The following DOCK2 variants were observed in gnomAD, a reference collection of about 807,000 sequenced individuals.
DOCK2 encodes the protein dedicator of cytokinesis protein 2.
A neutral mutation model predicts 248.9 loss-of-function variants in DOCK2; 87 were observed. The observed-to-expected ratio is 0.35, with a 90% CI of 0.29 to 0.42. The LOEUF (loss-of-function observed/expected upper bound fraction) is 0.42. Ranked by LOEUF, DOCK2 falls within the 10% of genes least tolerant of loss-of-function variation. The probability of loss-of-function intolerance (pLI) is 1.00; values close to 1 mark genes in which losing one functional copy is unlikely to be tolerated. For missense variants in DOCK2, 1,747 were observed against 2,300.2 expected (o/e 0.76, Z 4.92); for synonymous variants, 805 against 821.6 (o/e 0.98, Z 0.35).
chr5:169,669,668 A>G (rs903814270), intron 3 of DOCK2, among the ~76,000 whole-genome samples: 3 of 146,338 alleles, frequency 2.1e-5, no homozygotes, highest in South Asian at 2.1e-4. Context: ...TGTTTGCAGC[A>G]TTCAGTCATC....
intron 19 of DOCK2, among the ~76,000 whole-genome samples, chr5:169,714,861 T>C (rs1423441459): frequency 6.6e-6 from 1 of 152,106 alleles, no homozygotes; most frequent in Non-Finnish European, 1.5e-5. Context: ...CCAAAGCATA[T>C]AAAACAAAGT....
chr5:169,694,531 G>A (rs1359695303), intron 9 of DOCK2, among the ~76,000 whole-genome samples: 1 of 152,238 alleles, frequency 6.6e-6, no homozygotes, highest in African/African-American at 2.4e-5. Flanking sequence ...TGACCTTGGG[G>A]AAGCCTCTTA....
At chr5:169,804,437 AGTGTGTGTGTGTGTGTGTGTGT>A (rs55660700) in intron 26 of DOCK2, among the ~76,000 whole-genome samples, 58 of 134,650 alleles carry the variant, frequency 4.3e-4, no homozygotes, top group South Asian at 1.0e-3. Flanking sequence ...AGAGCTACAA[AGTGTGTGTGTGTGTGTGTGTGT>A]GTGTGTGTGT....
At chr5:169,884,035 G>A in intron 27 of DOCK2, 1 of 750,164 alleles carries the variant, frequency 1.3e-6, no homozygotes, top group African/African-American at 1.7e-5. Flanking sequence ...TCTCCTCTTA[G>A]TATGGGAAAT....
At chr5:169,690,382 C>T (rs964645198) in intron 9 of DOCK2, among the ~76,000 whole-genome samples, 2 of 152,010 alleles carry the variant, frequency 1.3e-5, no homozygotes, top group Non-Finnish European at 2.9e-5. Flanking sequence ...CAGGAGTGAC[C>T]GACATGCTAG....
intron 6 of DOCK2, among the ~76,000 whole-genome samples, chr5:169,681,531 A>G (rs1294288573): frequency 6.6e-6 from 1 of 151,798 alleles, no homozygotes; most frequent in Non-Finnish European, 1.5e-5. Flanking sequence ...ACACCTTTTT[A>G]AAAAATTGAA....
chr5:169,746,328 A>C (rs1010531821), intron 22 of DOCK2, among the ~76,000 whole-genome samples: 2 of 152,084 alleles, frequency 1.3e-5, no homozygotes, highest in Non-Finnish European at 2.9e-5. Context: ...GGGTGAGGGG[A>C]AGGATGGGGA....
intron 30 of DOCK2, among the ~76,000 whole-genome samples, chr5:170,001,519 G>A (rs1013077740): frequency 1.7e-4 from 26 of 152,146 alleles, no homozygotes; most frequent in African/African-American, 6.0e-4. Context: ...CCGTTTTGTA[G>A]CTCTGTGATG....
At chr5:169,799,904 C>T (rs1766865043) in intron 25 of DOCK2, among the ~76,000 whole-genome samples, 1 of 151,976 alleles carries the variant, frequency 6.6e-6, no homozygotes, top group Admixed American at 6.6e-5. Context: ...ACTTCCTGGG[C>T]TCTGATCTTC....
intron 27 of DOCK2, among the ~76,000 whole-genome samples, chr5:169,870,243 G>T (rs969317148): frequency 2.6e-5 from 4 of 152,122 alleles, no homozygotes; most frequent in African/African-American, 9.7e-5. Flanking sequence ...TTCCCTCTTG[G>T]GGGTACCTCA....
At chr5:169,658,986 T>C (rs1439051102) in intron 2 of DOCK2, among the ~76,000 whole-genome samples, 56 of 19,078 alleles carry the variant, frequency 2.9e-3, no homozygotes, top group Middle Eastern at 0.024. Context: ...ACTGCATTAT[T>C]ATTATTATTA....
chr5:169,652,228 G>A (rs1757846943), intron 1 of DOCK2, among the ~76,000 whole-genome samples: 1 of 152,234 alleles, frequency 6.6e-6, no homozygotes, highest in South Asian at 2.1e-4. Flanking sequence ...TGCCAGGGCA[G>A]GGTGCAAGCC....
chr5:169,928,457 G>C (rs1179885973), intron 27 of DOCK2, among the ~76,000 whole-genome samples: 2 of 152,178 alleles, frequency 1.3e-5, no homozygotes, highest in Non-Finnish European at 2.9e-5. Context: ...AGTTCTACCA[G>C]AGCCAGCCTC....
chr5:169,703,645 T>A (rs896375877), intron 14 of DOCK2, among the ~76,000 whole-genome samples: 65 of 152,376 alleles, frequency 4.3e-4, no homozygotes, highest in African/African-American at 1.5e-3. Context: ...ATTGCCTTTT[T>A]GTTCATAAAG....
At chr5:169,833,424 G>C (rs1339216470) in intron 26 of DOCK2, among the ~76,000 whole-genome samples, 2 of 152,294 alleles carry the variant, frequency 1.3e-5, no homozygotes, top group East Asian at 3.9e-4. Flanking sequence ...TGACATAGCA[G>C]ACCTGAGAAA....
At chr5:169,863,027 CT>C in intron 27 of DOCK2, among the ~76,000 whole-genome samples, 1 of 152,198 alleles carries the variant, frequency 6.6e-6, no homozygotes, top group East Asian at 1.9e-4. Flanking sequence ...CCTTTCCATC[CT>C]ACCCCTCATC....
At chr5:170,075,569 C>G (rs1247075647) in intron 46 of DOCK2, 2 of 171,778 alleles carry the variant, frequency 1.2e-5, no homozygotes, top group Non-Finnish European at 2.5e-5. Flanking sequence ...TTAGTATTGC[C>G]AAGAACATCT....
intron 27 of DOCK2, among the ~76,000 whole-genome samples, chr5:169,891,287 T>G (rs1442530894): frequency 6.6e-6 from 1 of 152,218 alleles, no homozygotes; most frequent in Non-Finnish European, 1.5e-5. Context: ...AGCAAAACCC[T>G]GTCCTATTAG....
At chr5:169,730,115 C>G (rs1330823563) in intron 22 of DOCK2, among the ~76,000 whole-genome samples, 1 of 152,130 alleles carries the variant, frequency 6.6e-6, no homozygotes, top group East Asian at 1.9e-4. Flanking sequence ...CACCACCACA[C>G]CCAGCTAATT....
Sources: gnomAD v4.1 joint callset for allele counts (sites outside exome capture counted in the v4.1 genomes callset) on GRCh38, gnomAD v4.1.1 for gene constraint, MANE v1.5 for transcripts, NCBI Gene and HGNC (gene_info 2026-07-23, HGNC 2026-07-21) for gene names.